Variants in PPCDC observed in about 807,000 individuals in gnomAD.
The protein encoded by PPCDC is phosphopantothenoylcysteine decarboxylase.
In PPCDC, 20 loss-of-function variants were observed where a neutral mutation model predicts 20.7. The ratio of observed to expected loss-of-function variants is 0.97; its 90% CI spans 0.68 to 1.41. PPCDC has a LOEUF of 1.41. PPCDC is among the 40% of genes most tolerant of loss of function. PPCDC has a pLI of 0.00. For missense variants in PPCDC, 246 were observed against 263.8 expected (o/e 0.93, Z 0.47); for synonymous variants, 88 against 100.3 (o/e 0.88, Z 0.73).
intron 1 of PPCDC, 196 bp from the exon 2 acceptor site, chr15:75,028,051 C>T (rs999435462): frequency 2.7e-5 from 13 of 473,750 alleles, no homozygotes; most frequent in Non-Finnish European, 4.5e-5. Context: ...TTCCCCACAG[C>T]ACTGCATCAT....
At chr15:75,027,195 C>A (rs1424984364) in intron 1 of PPCDC, among the ~76,000 whole-genome samples, 1 of 152,166 alleles carries the variant, frequency 6.6e-6, no homozygotes, top group Non-Finnish European at 1.5e-5. Context: ...GGTGTCATTC[C>A]TGTCTTCTCA....
intron 2 of PPCDC, among the ~76,000 whole-genome samples, chr15:75,037,307 G>A (rs1182730695): frequency 6.6e-6 from 1 of 152,172 alleles, no homozygotes; most frequent in Non-Finnish European, 1.5e-5. Flanking sequence ...GATGAAGGAA[G>A]AATGTGGTCC....
chr15:75,032,739 G>T (rs1384896226), intron 2 of PPCDC, among the ~76,000 whole-genome samples: 1 of 87,034 alleles, frequency 1.1e-5, no homozygotes, highest in Admixed American at 1.5e-4. Flanking sequence ...CCCCCCCAAG[G>T]CCAAATTCGG....
At position 75,048,602 on chromosome 15, in the gene PPCDC, C is replaced by T. The variant is rs201612097; in HGVS notation, c.410C>T (p.Pro137Leu). Residue 137 changes from proline to leucine, a missense_variant, in exon 5 of 6, where the codon CCG becomes CTG. Pro to Leu is a moderately conservative substitution (Grantham distance 98, BLOSUM62 -3). This residue lies in a region of PPCDC where 225 missense variants were observed against 222.6 expected (regional missense o/e 1.01). Coordinates refer to ENST00000342932, the MANE Select transcript of PPCDC (RefSeq NM_021823.5). ...WDRSKPLLFCPAMNTAMWEHP... is the reference protein window; with the variant it reads ...WDRSKPLLFCLAMNTAMWEHP... ...CGCAGCAAGCCCCTGCTCTTCTGCCCGGCCATGAACACCGCCATGTGGGAG... is the reference window on the plus strand; with the variant it reads ...CGCAGCAAGCCCCTGCTCTTCTGCCTGGCCATGAACACCGCCATGTGGGAG... 1.9e-5 allele frequency: 31 copies of T among 1,614,208 alleles called. No homozygotes were observed. Among genetic ancestry groups the T allele is most frequent in the Admixed American group, 1.5e-4 (9 of 60,026 alleles).
intron 4 of PPCDC, chr15:75,045,295 C>G (rs1013628030): frequency 6.6e-6 from 1 of 152,344 alleles, no homozygotes; most frequent in Non-Finnish European, 1.5e-5. Context: ...ACAGGGAGCT[C>G]CCAGGCTGGA....
intron 2 of PPCDC, among the ~76,000 whole-genome samples, chr15:75,042,752 G>C (rs964420235): frequency 6.6e-6 from 1 of 151,750 alleles, no homozygotes; most frequent in East Asian, 1.9e-4. Context: ...CATGTGTTCT[G>C]TTAAGCAGAT....
At chr15:75,034,538 G>A (rs930314076) in intron 2 of PPCDC, among the ~76,000 whole-genome samples, 3 of 152,080 alleles carry the variant, frequency 2.0e-5, no homozygotes, top group African/African-American at 7.2e-5. Context: ...CACAGCTCCC[G>A]CGCCTCATGT....
chr15:75,040,128 G>C (rs1423801127), intron 2 of PPCDC, among the ~76,000 whole-genome samples: 1 of 152,130 alleles, frequency 6.6e-6, no homozygotes, highest in African/African-American at 2.4e-5. Context: ...TGTCACCCAG[G>C]CTGGAGTGCA....
At chr15:75,033,927 T>C (rs1189490957) in intron 2 of PPCDC, among the ~76,000 whole-genome samples, 1 of 152,118 alleles carries the variant, frequency 6.6e-6, no homozygotes, top group Non-Finnish European at 1.5e-5. Flanking sequence ...TTTTCTGAAG[T>C]TGGGGAAGCA....
chr15:75,044,333 TG>T lies in PPCDC; in HGVS notation c.232-51del. ...CTGACTTACCGTACCTGGCCTGCCT[TG>T]GCGCTGCATCCTGCTTCCTCCACAC... On this transcript the variant is annotated intron_variant, in intron 3 of 5. Transcript: ENST00000342932. The T allele has an allele frequency of 2.5e-6, 4 of 1,603,294 alleles. No homozygotes were observed. In the South Asian group the frequency reaches 4.4e-5, roughly 18 times the overall value.
intron 2 of PPCDC, among the ~76,000 whole-genome samples, chr15:75,029,986 G>A (rs1166669419): frequency 5.3e-5 from 8 of 152,142 alleles, no homozygotes; most frequent in Admixed American, 2.6e-4. Context: ...GGGGTTGTGA[G>A]GAAAGGGTTG....
At chr15:75,037,160 C>T (rs1028981112) in intron 2 of PPCDC, among the ~76,000 whole-genome samples, 1 of 152,166 alleles carries the variant, frequency 6.6e-6, no homozygotes, top group Non-Finnish European at 1.5e-5. Flanking sequence ...GGTTGGGAAG[C>T]TCTTAGAAAT....
At chr15:75,046,945 CTG>C (rs1457450409) in intron 4 of PPCDC, among the ~76,000 whole-genome samples, 1 of 152,274 alleles carries the variant, frequency 6.6e-6, no homozygotes, top group African/African-American at 2.4e-5. Context: ...GGTCTCCTGA[CTG>C]GGATCCAGGC....
intron 1 of PPCDC, among the ~76,000 whole-genome samples, chr15:75,027,037 T>G (rs572958751): frequency 6.6e-6 from 1 of 152,250 alleles, no homozygotes; most frequent in South Asian, 2.1e-4. Flanking sequence ...TGCCGGCTAG[T>G]GGACTGCTGG....
At chr15:75,032,728 C>A in intron 2 of PPCDC, among the ~76,000 whole-genome samples, 1 of 125,112 alleles carries the variant, frequency 8.0e-6, no homozygotes, top group African/African-American at 3.1e-5. Flanking sequence ...AACTGGACCC[C>A]CCCCCCCAAG....
At chr15:75,028,092 G>T (rs8042558) in intron 1 of PPCDC, 155 bp from the exon 2 acceptor site, 194,427 of 550,654 alleles carry the variant, frequency 0.35, 40,483 homozygotes, top group South Asian at 0.65. Flanking sequence ...TGTGGGGAAG[G>T]TGTCTCACTT....
At chr15:75,032,431 GA>G (rs1332738471) in intron 2 of PPCDC, among the ~76,000 whole-genome samples, 1 of 152,176 alleles carries the variant, frequency 6.6e-6, no homozygotes, top group Non-Finnish European at 1.5e-5. Context: ...AATATTGAGA[GA>G]AATTAAAACA....
intron 1 of PPCDC, among the ~76,000 whole-genome samples, chr15:75,025,720 G>A (rs2065952305): frequency 6.6e-6 from 1 of 152,144 alleles, no homozygotes; most frequent in Non-Finnish European, 1.5e-5. Context: ...GGGGAAGTCA[G>A]GTACTACAGC....
At chr15:75,027,425 C>T (rs760820362) in intron 1 of PPCDC, among the ~76,000 whole-genome samples, 1 of 152,172 alleles carries the variant, frequency 6.6e-6, no homozygotes, top group East Asian at 1.9e-4. Context: ...CAGCTAATCT[C>T]CTGGGGTGGC....
Sources: allele counts gnomAD v4.1 joint callset (sites outside exome capture counted in the v4.1 genomes callset), GRCh38; gene constraint gnomAD v4.1.1; regional missense constraint gnomAD v4.1.1; transcripts MANE v1.5; gene names NCBI Gene and HGNC (gene_info 2026-07-23, HGNC 2026-07-21).